The following PAQR5 variants were observed in gnomAD, a reference collection of about 807,000 sequenced individuals.
PAQR5 encodes the protein membrane progestin receptor gamma.
Under a neutral mutation model 34.5 loss-of-function variants are expected in PAQR5, and 20 were observed. The ratio of observed to expected loss-of-function variants is 0.58; its 90% CI spans 0.41 to 0.84. The LOEUF is 0.84. PAQR5 is among the 40% of genes least tolerant of loss of function. The pLI is 0.00. For missense variants in PAQR5, 378 were observed against 412.7 expected (o/e 0.92, Z 0.73); for synonymous variants, 131 against 155.6 (o/e 0.84, Z 1.18).
rs1226447954 is a variant in PAQR5 at position 69,363,536 on chromosome 15, G to GTTTTTTT, written c.51+3411_51+3412insTTTTTTT. Among the ~76,000 whole-genome samples the GTTTTTTT allele has an allele frequency of 9.8e-5, 8 of 82,036 alleles. 2 individuals are homozygous for GTTTTTTT. Among genetic ancestry groups the GTTTTTTT allele is most frequent in the Admixed American group, 3.9e-4 (2 of 5,176 alleles). The allele number at this position is 82,036 out of a possible 152,430, so 53.8% of individuals were successfully genotyped here. A position where few individuals can be genotyped will look rare whatever the true frequency, so the allele number is the denominator to read the frequency against. ...ACATCGAGTGTCAAATTGCTAATCT[G>GTTTTTTT]TTTTTTGTTTTTGTTTTTTTTTTTT... On this transcript the variant is annotated intron_variant, in intron 3 of 8. Coordinates refer to ENST00000395407, the MANE Select transcript of PAQR5 (RefSeq NM_017705.4).
Position 69,400,012 on chromosome 15 carries a change from C to T in PAQR5, c.648C>T (p.Ala216=), listed in dbSNP as rs750355607. 1.9e-6 allele frequency: 3 copies of T among 1,614,024 alleles called. No homozygotes were observed. The highest frequency in any genetic ancestry group is 1.7e-5 in the Admixed American group (1 of 60,004). The change falls in exon 8 of 9, where the codon GCC becomes GCT. Residue 216 remains alanine, a synonymous_variant. Transcript: ENST00000395407. The part of the protein sequence containing the change: ...LFPGESAQNE[A]TSYHQKHMIM... ...CAGGGGAGAGTGCACAAAATGAAGCCACCTCGTACCACCAGAAGCACATGA... is the reference window on the plus strand; with the variant it reads ...CAGGGGAGAGTGCACAAAATGAAGCTACCTCGTACCACCAGAAGCACATGA...
chr15:69,300,965 T>C (rs1402160374), intron 1 of PAQR5, among the ~76,000 whole-genome samples: 4 of 65,134 alleles, frequency 6.1e-5, no homozygotes, highest in African/African-American at 2.7e-4. Context: ...CTTTCTTTCT[T>C]TCTTTCTTTC....
intron 1 of PAQR5, among the ~76,000 whole-genome samples, chr15:69,308,512 C>T (rs1223849181): frequency 6.6e-6 from 1 of 152,110 alleles, no homozygotes; most frequent in Non-Finnish European, 1.5e-5. Flanking sequence ...ATAGCAGCAT[C>T]CCTGGCTTCT....
chr15:69,323,299 C>T (rs373524922), intron 1 of PAQR5, among the ~76,000 whole-genome samples: 1 of 152,220 alleles, frequency 6.6e-6, no homozygotes, highest in Non-Finnish European at 1.5e-5. Flanking sequence ...TGCCATGCTC[C>T]CAGTGAGAGT....
chr15:69,376,218 C>A (rs2055701199), intron 3 of PAQR5, among the ~76,000 whole-genome samples: 1 of 152,144 alleles, frequency 6.6e-6, no homozygotes, highest in African/African-American at 2.4e-5. Context: ...TAAGCAGGCA[C>A]CTGCTTACTT....
At chr15:69,364,415 A>C (rs1352402993) in intron 3 of PAQR5, among the ~76,000 whole-genome samples, 2 of 144,298 alleles carry the variant, frequency 1.4e-5, no homozygotes, top group Non-Finnish European at 3.0e-5. Context: ...CTGTCTCCAA[A>C]AACAAAACAA....
chr15:69,306,147 G>A (rs976141045), intron 1 of PAQR5, among the ~76,000 whole-genome samples: 1 of 152,066 alleles, frequency 6.6e-6, no homozygotes, highest in African/African-American at 2.4e-5. Flanking sequence ...TACATGGAAT[G>A]CATGGAGTGG....
At chr15:69,383,382 G>A (rs1297799053) in intron 4 of PAQR5, among the ~76,000 whole-genome samples, 2 of 145,732 alleles carry the variant, frequency 1.4e-5, no homozygotes, top group African/African-American at 2.6e-5. Flanking sequence ...CATGGTGGAG[G>A]GTGACTGGCC....
intron 4 of PAQR5, among the ~76,000 whole-genome samples, chr15:69,381,700 G>GT (rs2055887944): frequency 1.3e-5 from 2 of 152,192 alleles, no homozygotes; most frequent in Admixed American, 1.3e-4. Context: ...GACTTGGGGA[G>GT]GTCTGGATCA....
At chr15:69,381,246 G>A (rs2055877315) in intron 4 of PAQR5, among the ~76,000 whole-genome samples, 1 of 152,222 alleles carries the variant, frequency 6.6e-6, no homozygotes, top group South Asian at 2.1e-4. Context: ...GAGTGGCCAG[G>A]GGGACCTGCT....
At chr15:69,323,670 A>G (rs1029538181) in intron 1 of PAQR5, among the ~76,000 whole-genome samples, 3 of 152,256 alleles carry the variant, frequency 2.0e-5, no homozygotes, top group Admixed American at 6.5e-5. Context: ...AGAAAAAAGA[A>G]TATACATGCT....
chr15:69,403,069 G>C (rs1032381379), intron 8 of PAQR5, among the ~76,000 whole-genome samples: 8 of 152,252 alleles, frequency 5.3e-5, no homozygotes, highest in Admixed American at 3.3e-4. Context: ...TTCTCCCTCA[G>C]CACTGAAGTG....
At chr15:69,365,425 A>G (rs187369186) in intron 3 of PAQR5, among the ~76,000 whole-genome samples, 1 of 152,356 alleles carries the variant, frequency 6.6e-6, no homozygotes, top group African/African-American at 2.4e-5. Flanking sequence ...TGAATTTTAT[A>G]GAACTCTTTA....
chr15:69,300,637 CTTTCTTTCTTTCTTTT>C lies in PAQR5; in HGVS notation c.-277+1582_-277+1597del, dbSNP rs2053529081. ...TCTTTCTTTCTTTCTTTCTTTCTTT[CTTTCTTTCTTTCTTTT>C]CTTTCTTTCTTTCATTCTTTCTCTT... On this transcript the variant is annotated intron_variant, in intron 1 of 8. Transcript: ENST00000395407. Among the ~76,000 whole-genome samples, 3 of 39,734 alleles carry C rather than the reference CTTTCTTTCTTTCTTTT, an allele frequency of 7.6e-5. 1 individual carries two copies. In the South Asian group the frequency reaches 2.8e-3, roughly 37 times the overall value. The allele number at this position is 39,734 out of a possible 152,430, so 26.1% of individuals were successfully genotyped here.
rs556479835 is a variant in PAQR5 at position 69,327,233 on chromosome 15, G to A, written c.-276-10108G>A. On this transcript the variant is annotated intron_variant, in intron 1 of 8. Transcript: ENST00000395407. ...GCTGGTCTTGAACTCCTGGACTCAA[G>A]TGATCTTCCCGCCTCAGCCTCCCAA... Among the ~76,000 whole-genome samples the A allele has an allele frequency of 4.6e-5, 7 of 152,212 alleles. No individual in the cohort carries two copies. The South Asian group carries it at 6.2e-4, about 14-fold the overall frequency.
intron 2 of PAQR5, among the ~76,000 whole-genome samples, chr15:69,340,413 C>G (rs1176492371): frequency 6.6e-6 from 1 of 152,180 alleles, no homozygotes; most frequent in African/African-American, 2.4e-5. Context: ...ATTTCACGAT[C>G]CATTGAGAGG....
intron 1 of PAQR5, among the ~76,000 whole-genome samples, chr15:69,330,317 G>C (rs1383847200): frequency 6.6e-6 from 1 of 152,188 alleles, no homozygotes; most frequent in Non-Finnish European, 1.5e-5. Context: ...AACTTACTTT[G>C]GGAGAAACTG....
chr15:69,364,076 T>G (rs1368993761), intron 3 of PAQR5, among the ~76,000 whole-genome samples: 3 of 152,126 alleles, frequency 2.0e-5, no homozygotes, highest in Non-Finnish European at 4.4e-5. Context: ...TGGAAGTGAC[T>G]CCTGTTAAGT....
chr15:69,320,739 C>T (rs1478707398), intron 1 of PAQR5, among the ~76,000 whole-genome samples: 1 of 152,060 alleles, frequency 6.6e-6, no homozygotes. Context: ...AAAACCTATC[C>T]ACCTCAAAAC....
Sources: gnomAD v4.1 joint callset for allele counts (sites outside exome capture counted in the v4.1 genomes callset) on GRCh38, gnomAD v4.1.1 for gene constraint, MANE v1.5 for transcripts, NCBI Gene and HGNC (gene_info 2026-07-23, HGNC 2026-07-21) for gene names.